Variants in STAB1 observed in about 807,000 individuals in gnomAD.
STAB1 encodes stabilin-1.
STAB1 carries 250 observed loss-of-function variants against 332.4 expected under a neutral mutation model. The ratio of observed to expected loss-of-function variants is 0.75; its 90% CI spans 0.68 to 0.84. STAB1 has a LOEUF of 0.84. Among genes scored for constraint, STAB1 ranks in the 40% least tolerant of loss-of-function variants. The probability of loss-of-function intolerance (pLI) is 0.00; values close to 1 mark genes in which losing one functional copy is unlikely to be tolerated. For missense variants in STAB1, 3,249 were observed against 3,489.7 expected, an observed-to-expected ratio of 0.93 and a Z score of 1.74; for synonymous variants, 1,475 against 1,390.4, an observed-to-expected ratio of 1.06 and a Z score of -1.35.
chr3:52,508,570 C>G, intron 21 of STAB1: 1 of 584,418 alleles, frequency 1.7e-6, no homozygotes, highest in Non-Finnish European at 3.2e-6. Context: ...GCCTGTAATC[C>G]CAGCACTTTG....
Position 52,522,209 on chromosome 3 carries a change from CA to C in STAB1, c.6446del (p.Asn2149ThrfsTer3). The part of the protein sequence containing the change: ...GHRGGCSEHA[N>X]CLSTGLNTRR... ...ACCGCGGGGGCTGCAGCGAGCACGC[CA>C]ACTGCTTGAGCACCGGCCTGGTGAG... On this transcript the variant is annotated frameshift_variant, in exon 59 of 69. Transcript: ENST00000321725. LOFTEE classifies it high-confidence loss of function. 6.2e-7 allele frequency: 1 copy of C among 1,612,658 alleles called. No individual in the cohort carries two copies. Among genetic ancestry groups the C allele is most frequent in the Non-Finnish European group, 8.5e-7 (1 of 1,179,932 alleles).
In STAB1 at chr3:52,517,008, A is replaced by G; in HGVS notation, c.4388A>G (p.His1463Arg). Residue 1463 changes from histidine to arginine, a missense_variant, in exon 42 of 69, where the codon CAT (histidine) becomes CGT (arginine). His to Arg is a conservative substitution (Grantham distance 29). Transcript: ENST00000321725. Reference protein sequence around the residue: ...CSEVDPCAHGHGGCSPHANCT... With the variant: ...CSEVDPCAHGRGGCSPHANCT... ...GAGGTGGACCCCTGCGCCCACGGCC[A>G]TGGGGGCTGCTCCCCTCATGCCAAC... The G allele has an allele frequency of 1.2e-6, 2 of 1,609,732 alleles. No homozygotes were observed. The highest frequency in any genetic ancestry group is 8.5e-7 in the Non-Finnish European group (1 of 1,178,614).
At chr3:52,502,765 C>A (rs370025535) in intron 6 of STAB1, 38 bp downstream of exon 6, 18 of 1,591,598 alleles carry the variant, frequency 1.1e-5, no homozygotes, top group Non-Finnish European at 1.5e-5. Flanking sequence ...GGCAGCAGGT[C>A]CCTGTGGCCA....
At position 52,524,081 on chromosome 3, in the gene STAB1, AC is replaced by A. The variant is rs1439303639; in HGVS notation, c.7543-15del. The A allele has an allele frequency of 1.2e-6, 2 of 1,612,804 alleles. No individual in the cohort carries two copies. Among genetic ancestry groups the A allele is most frequent in the Non-Finnish European group, 1.7e-6 (2 of 1,179,942 alleles). On this transcript the variant is annotated intron_variant, in intron 67 of 68. Transcript: ENST00000321725. ...TCTCGCTTGAGGCGCCTCGCCACTC[AC>A]CCCTCTGCTGCTCCCAGGCGGAAGA...
At position 52,510,001 on chromosome 3, in the gene STAB1, C is replaced by T. The variant is rs1709174367; in HGVS notation, c.2479C>T (p.Leu827=). 6.2e-7 allele frequency: 1 copy of T among 1,608,862 alleles called. No homozygotes were observed. Among genetic ancestry groups the T allele is most frequent in the Non-Finnish European group, 8.5e-7 (1 of 1,177,186 alleles). Reference sequence around the variant, plus strand: ...CATGGGGGACTGTGGGCCCACAGGGCTGGCCCAGCACTGCCACCTGCATGC... The same window carrying T: ...CATGGGGGACTGTGGGCCCACAGGGTTGGCCCAGCACTGCCACCTGCATGC... ...ESMGDCGPTG[L]AQHCHLHARC... The change falls in exon 23 of 69, where the codon CTG becomes TTG. Residue 827 remains leucine, a synonymous_variant. Transcript: ENST00000321725.
chr3:52,495,373 C>T lies in STAB1; in HGVS notation c.-41C>T. The T allele has an allele frequency of 7.7e-7, 1 of 1,301,960 alleles. No homozygotes were observed. Among genetic ancestry groups the T allele is most frequent in the Non-Finnish European group, 9.8e-7 (1 of 1,016,820 alleles). 80.7% of individuals were successfully genotyped at this position (1,301,960 alleles called of 1,614,324 possible). A position where few individuals can be genotyped will look rare whatever the true frequency, so the allele number is the denominator to read the frequency against. On this transcript the variant is annotated 5_prime_UTR_variant, in exon 1 of 69. Transcript: ENST00000321725. ...TGTGCCTGCCTCCTAGAGCTCATTC[C>T]CTACGCCCCGACTCTGTCCTGGACA...
intron 50 of STAB1, 43 bp downstream of exon 50, chr3:52,519,607 CGTGTAAGTGTGTGCAAGTGTGT>C: frequency 6.4e-7 from 1 of 1,570,894 alleles, no homozygotes; most frequent in Non-Finnish European, 8.7e-7. Context: ...CACACATGCA[CGTGTAAGTGTGTGCAAGTGTGT>C]ATGCGTACCT....
At chr3:52,519,204 C>T in intron 48 of STAB1, 60 bp from the exon 49 acceptor site, 2 of 1,571,818 alleles carry the variant, frequency 1.3e-6, no homozygotes, top group Non-Finnish European at 1.7e-6. Context: ...CCACCTCAGG[C>T]CCCGATAGCT....
In STAB1 at chr3:52,510,475, G is replaced by A. The variant is rs200436621; in HGVS notation, c.2755G>A (p.Asp919Asn). The change falls in exon 25 of 69, where the codon GAT becomes AAT. Residue 919 changes from aspartate to asparagine, a missense_variant. Asp to Asn is a conservative substitution (Grantham distance 23). Transcript: ENST00000321725. ...ELDMRGGCHT[D>N]ALCSYVGPGQ... is the part of the protein sequence containing the mutation. ...GGACATGAGAGGTGGCTGCCACACC[G>A]ATGCCCTCTGCAGCTATGTGGGCCC... is the stretch of plus-strand genomic sequence containing the variant. The A allele has an allele frequency of 1.2e-5, 20 of 1,613,646 alleles. No homozygotes were observed. Among genetic ancestry groups the A allele is most frequent in the Middle Eastern group, 1.6e-4 (1 of 6,062 alleles).
At position 52,516,976 on chromosome 3, in the gene STAB1, C is replaced by T. The variant is rs1325008587; in HGVS notation, c.4364-8C>T. 9 of 1,610,356 alleles carry T rather than the reference C, an allele frequency of 5.6e-6. No homozygotes were observed. The highest frequency in any genetic ancestry group is 4.4e-5 in the South Asian group (4 of 90,718). On this transcript the variant is annotated splice_polypyrimidine_tract_variant and splice_region_variant and intron_variant, in intron 41 of 68. Transcript: ENST00000321725. Reference sequence around the variant, plus strand: ...GCTCCTGAGGACTCTCTGGCCATCTCCCCTTAGAGGTGGACCCCTGCGCCC... The same window carrying T: ...GCTCCTGAGGACTCTCTGGCCATCTTCCCTTAGAGGTGGACCCCTGCGCCC...
chr3:52,513,344 T>C (rs1709435494), intron 30 of STAB1, 103 bp downstream of exon 30: 1 of 1,129,564 alleles, frequency 8.9e-7, no homozygotes, highest in Non-Finnish European at 1.3e-6. Context: ...GGGATGAGAT[T>C]GGGGTCCCCT....
chr3:52,509,095 A>G, intron 21 of STAB1, 115 bp from the exon 22 acceptor site: 1 of 890,056 alleles, frequency 1.1e-6, no homozygotes, highest in Non-Finnish European at 1.7e-6. Context: ...TTCCAGGATG[A>G]GCTCTCACGG....
At chr3:52,516,015 G>T in intron 37 of STAB1, 28 bp from the exon 38 acceptor site, 1 of 1,569,946 alleles carries the variant, frequency 6.4e-7, no homozygotes. Context: ...GGCCTCTCTC[G>T]CCCTCTCTCC....
rs752414508 is a variant in STAB1, at chr3:52,521,008, G to C, written c.5908+3G>C. The stretch of plus-strand genomic sequence containing the variant: ...TCACTATGGCAGTGAGTGCCAAGGT[G>C]AGCATTGCAGACACTGTTGACTAGC... On this transcript the variant is annotated splice_donor_region_variant and intron_variant, in intron 55 of 68. Transcript: ENST00000321725. 4 of 1,532,524 alleles carry C rather than the reference G, an allele frequency of 2.6e-6. No individual in the cohort carries two copies. The East Asian group carries it at 9.1e-5, about 35-fold the overall frequency. 94.9% of individuals were successfully genotyped at this position (1,532,524 alleles called of 1,614,324 possible). A position where few individuals can be genotyped will look rare whatever the true frequency, so the allele number is the denominator to read the frequency against.
intron 45 of STAB1, 98 bp from the exon 46 acceptor site, chr3:52,518,214 T>C: frequency 1.9e-6 from 3 of 1,576,886 alleles, no homozygotes; most frequent in Non-Finnish European, 8.7e-7. Context: ...CCTTTCCTCA[T>C]GTCTGCCTTG....
At chr3:52,511,901 C>G (rs1165005579) in intron 26 of STAB1, among the ~76,000 whole-genome samples, 156 bp downstream of exon 26, 2 of 152,190 alleles carry the variant, frequency 1.3e-5, no homozygotes, top group Admixed American at 6.5e-5. Context: ...ACTCCTCTCC[C>G]CCTTCACCCG....
At position 52,506,775 on chromosome 3, in the gene STAB1, C is replaced by T. The variant is rs200012241; in HGVS notation, c.1914C>T (p.Asp638=). 105 of 1,612,834 alleles carry T rather than the reference C, an allele frequency of 6.5e-5. No homozygotes were observed. In the East Asian group the frequency reaches 8.7e-4, roughly 13 times the overall value. Residue 638 remains aspartate, a synonymous_variant, in exon 18 of 69, where the codon GAC becomes GAT. Transcript: ENST00000321725. ...MAANGVIHML[D]GILLPPTILP... Reference sequence around the variant, plus strand: ...CCAATGGTGTGATCCACATGCTGGACGGCATCCTGCTGCCCCCGACCATCC... The same window carrying T: ...CCAATGGTGTGATCCACATGCTGGATGGCATCCTGCTGCCCCCGACCATCC...
At position 52,505,656 on chromosome 3, in the gene STAB1, G is replaced by C. The variant is rs752995995; in HGVS notation, c.1582-12G>C. 1.4e-5 allele frequency: 22 copies of C among 1,612,542 alleles called. No individual in the cohort carries two copies. The highest frequency in any genetic ancestry group is 1.6e-5 in the Non-Finnish European group (19 of 1,179,758). ...CCATGCAACCCCCTGAGCCTCCCTT[G>C]CACCACCACAGAACTGTGGGCTGCC... On this transcript the variant is annotated splice_polypyrimidine_tract_variant and intron_variant, in intron 14 of 68. Coordinates refer to ENST00000321725, the MANE Select transcript of STAB1 (RefSeq NM_015136.3).
chr3:52,519,944 G>A lies in STAB1; in HGVS notation c.5236G>A (p.Val1746Met). 1 of 1,569,960 alleles carries A rather than the reference G, an allele frequency of 6.4e-7. No individual in the cohort carries two copies. The highest frequency in any genetic ancestry group is 8.6e-7 in the Non-Finnish European group (1 of 1,158,298). The change falls in exon 51 of 69, where the codon GTG (valine) becomes ATG (methionine). Residue 1746 changes from valine (V) to methionine (M), a missense_variant and splice_region_variant. Val to Met is a conservative substitution (Grantham distance 21). Coordinates refer to ENST00000321725, the MANE Select transcript of STAB1 (RefSeq NM_015136.3). ...GYKIFSGLLKVAGLLPLLREA... is the reference protein window; with the variant it reads ...GYKIFSGLLKMAGLLPLLREA... The stretch of plus-strand genomic sequence containing the variant: ...CCACATCTTTGCTGCACCCCACCAG[G>A]TGGCCGGCCTCCTGCCCCTGCTTCG...
Sources: allele counts gnomAD v4.1 joint callset (sites outside exome capture counted in the v4.1 genomes callset), GRCh38; gene constraint gnomAD v4.1.1; transcripts MANE v1.5; gene names NCBI Gene and HGNC (gene_info 2026-07-23, HGNC 2026-07-21).